Variants in CCDC102B observed in about 807,000 individuals in gnomAD.
CCDC102B encodes coiled-coil domain-containing protein 102B.
In CCDC102B, 75 loss-of-function variants were observed where a neutral mutation model predicts 57.4. That is an observed-to-expected ratio of 1.31 (90% CI 1.08 to 1.58). The LOEUF is 1.58. Ranked by LOEUF, CCDC102B falls within the 40% of genes most tolerant of loss-of-function variation. The probability of loss-of-function intolerance (pLI) is 0.00; values close to 1 mark genes in which losing one functional copy is unlikely to be tolerated. For missense variants in CCDC102B, 636 were observed against 582.6 expected, an observed-to-expected ratio of 1.09 and a Z score of -0.94; for synonymous variants, 206 against 201.9, an observed-to-expected ratio of 1.02 and a Z score of -0.17.
intron 6 of CCDC102B, among the ~76,000 whole-genome samples, chr18:68,917,957 A>C (rs768892351): frequency 2.6e-5 from 4 of 152,244 alleles, no homozygotes; most frequent in Non-Finnish European, 5.9e-5. Context: ...TATTTGCCTT[A>C]TGTACACCAA....
chr18:69,043,443 C>T (rs751011885), intron 7 of CCDC102B, among the ~76,000 whole-genome samples: 11 of 152,024 alleles, frequency 7.2e-5, no homozygotes, highest in East Asian at 3.9e-4. Context: ...TCCCTTCCCA[C>T]GAGACCATAT....
chr18:68,719,591 G>T (rs149824336), intron 2 of CCDC102B, among the ~76,000 whole-genome samples: 64 of 152,172 alleles, frequency 4.2e-4, no homozygotes, highest in African/African-American at 1.5e-3. Context: ...ATTGGATGAT[G>T]CCCCCACCTC....
intron 2 of CCDC102B, among the ~76,000 whole-genome samples, chr18:68,750,086 A>G (rs960359413): frequency 6.6e-6 from 1 of 152,178 alleles, no homozygotes; most frequent in Non-Finnish European, 1.5e-5. Flanking sequence ...ATTTACAAGA[A>G]AAAAAACAAA....
At chr18:68,935,086 C>T (rs2041798912) in intron 6 of CCDC102B, among the ~76,000 whole-genome samples, 2 of 151,808 alleles carry the variant, frequency 1.3e-5, no homozygotes, top group South Asian at 4.1e-4. Flanking sequence ...GAAAAGACCG[C>T]ATCTATAAGG....
At chr18:69,014,261 T>C (rs1165041787) in intron 7 of CCDC102B, among the ~76,000 whole-genome samples, 1 of 152,210 alleles carries the variant, frequency 6.6e-6, no homozygotes, top group South Asian at 2.1e-4. Flanking sequence ...TCCTCCAAAC[T>C]TCCATGAGAA....
At position 69,054,576 on chromosome 18, in the gene CCDC102B, G is replaced by C; in HGVS notation, c.*439G>C. The C allele has an allele frequency of 1.0e-6, 1 of 986,804 alleles. No homozygotes were observed. The highest frequency in any genetic ancestry group is 1.2e-6 in the Non-Finnish European group (1 of 831,092). The allele number at this position is 986,804 out of a possible 1,614,324, so 61.1% of individuals were successfully genotyped here. ...ATGTACGTGTTGTCTATGTGGTGGG[G>C]ATGGCAGGTTGTATTAACAAAAATG... On this transcript the variant is annotated 3_prime_UTR_variant, in exon 8 of 8. Transcript: ENST00000360242.
At chr18:68,814,976 A>G (rs1403775670) in intron 1 of CCDC102B, among the ~76,000 whole-genome samples, 1 of 152,158 alleles carries the variant, frequency 6.6e-6, no homozygotes, top group Non-Finnish European at 1.5e-5. Context: ...GCCAGTAAAA[A>G]TTATTTTCAA....
At chr18:68,931,896 G>C (rs2041685839) in intron 6 of CCDC102B, among the ~76,000 whole-genome samples, 2 of 151,874 alleles carry the variant, frequency 1.3e-5, no homozygotes, top group African/African-American at 4.8e-5. Context: ...AGGAATATTG[G>C]TTGTGGTAGC....
At chr18:68,936,564 T>C (rs937052889) in intron 6 of CCDC102B, among the ~76,000 whole-genome samples, 1 of 151,990 alleles carries the variant, frequency 6.6e-6, no homozygotes, top group Non-Finnish European at 1.5e-5. Flanking sequence ...CATTTGTTTT[T>C]AGAAACGGAT....
At chr18:69,022,347 A>C (rs913643430) in intron 7 of CCDC102B, among the ~76,000 whole-genome samples, 1 of 10,006 alleles carries the variant, frequency 1.0e-4, no homozygotes, top group South Asian at 8.2e-3. Context: ...TGTATTAGTT[A>C]TATATAAATA....
At chr18:68,865,121 T>A (rs1352742537) in intron 4 of CCDC102B, among the ~76,000 whole-genome samples, 1 of 152,082 alleles carries the variant, frequency 6.6e-6, no homozygotes, top group Non-Finnish European at 1.5e-5. Flanking sequence ...CCTCTTCTAT[T>A]CACTCACAAA....
At chr18:68,950,075 GTCTA>G (rs1372705985) in intron 6 of CCDC102B, among the ~76,000 whole-genome samples, 2 of 152,094 alleles carry the variant, frequency 1.3e-5, no homozygotes, top group Non-Finnish European at 2.9e-5. Context: ...AGTATTGGGT[GTCTA>G]TTCAAGATAA....
At chr18:68,733,488 ATATATATATATATATATATT>A (rs1436774175) in intron 2 of CCDC102B, among the ~76,000 whole-genome samples, 2 of 85,928 alleles carry the variant, frequency 2.3e-5, no homozygotes, top group African/African-American at 1.1e-4. Flanking sequence ...TTATATATAT[ATATATATATATATATATATT>A]TTTTTAACTT....
intron 7 of CCDC102B, among the ~76,000 whole-genome samples, chr18:69,030,725 G>T (rs2052117146): frequency 6.6e-6 from 1 of 152,164 alleles, no homozygotes; most frequent in African/African-American, 2.4e-5. Context: ...CGTGATCTCG[G>T]CTCACTGCAA....
chr18:68,727,910 C>G (rs1439518560), intron 2 of CCDC102B, among the ~76,000 whole-genome samples: 1 of 152,190 alleles, frequency 6.6e-6, no homozygotes, highest in Non-Finnish European at 1.5e-5. Flanking sequence ...TCAATTTGGT[C>G]TAGCAAGTGG....
intron 7 of CCDC102B, among the ~76,000 whole-genome samples, chr18:69,039,763 A>G (rs1226020832): frequency 6.6e-6 from 1 of 151,872 alleles, no homozygotes; most frequent in Non-Finnish European, 1.5e-5. Flanking sequence ...TCCAGTCTCT[A>G]TTTTGTAGAA....
At chr18:69,027,025 A>C (rs1275699074) in intron 7 of CCDC102B, among the ~76,000 whole-genome samples, 2 of 152,196 alleles carry the variant, frequency 1.3e-5, no homozygotes, top group Non-Finnish European at 2.9e-5. Context: ...GAATTGAGGG[A>C]GTAGGATTAA....
chr18:68,891,926 T>C (rs1237069128), intron 5 of CCDC102B, among the ~76,000 whole-genome samples: 1 of 152,112 alleles, frequency 6.6e-6, no homozygotes, highest in Non-Finnish European at 1.5e-5. Flanking sequence ...AACAGTTGGG[T>C]AGGATTTTCC....
intron 5 of CCDC102B, among the ~76,000 whole-genome samples, chr18:68,890,939 A>G (rs1417696756): frequency 1.3e-5 from 2 of 152,162 alleles, no homozygotes; most frequent in Admixed American, 1.3e-4. Flanking sequence ...TTATCTGTTT[A>G]TTAATCATAG....
Sources: allele counts gnomAD v4.1 joint callset (sites outside exome capture counted in the v4.1 genomes callset), GRCh38; gene constraint gnomAD v4.1.1; transcripts MANE v1.5; gene names NCBI Gene and HGNC (gene_info 2026-07-23, HGNC 2026-07-21).